The following DCP1A variants were observed in gnomAD, a reference collection of about 807,000 sequenced individuals.
The protein encoded by DCP1A is decapping mRNA 1A.
In DCP1A, 20 loss-of-function variants were observed where a neutral mutation model predicts 58.0. That is an observed-to-expected ratio of 0.34 (90% CI 0.24 to 0.50). The LOEUF is 0.50. DCP1A is among the 20% of genes least tolerant of loss of function. The pLI is 0.98. For synonymous variants in DCP1A, 285 were observed against 275.1 expected, an observed-to-expected ratio of 1.04 and a Z score of -0.36; for missense variants, 613 against 712.2, an observed-to-expected ratio of 0.86 and a Z score of 1.59.
Position 53,307,504 on chromosome 3 carries a change from C to T in DCP1A, c.511-3214G>A, listed in dbSNP as rs180800025. ...ACCATGGCTTCCCTGGCTCTTGGGGCATTTGATTTGCAATTCTTAAGTATA... is the reference window on the plus strand; with the variant it reads ...ACCATGGCTTCCCTGGCTCTTGGGGTATTTGATTTGCAATTCTTAAGTATA... On this transcript the variant is annotated intron_variant, in intron 5 of 9. Coordinates refer to ENST00000610213, the MANE Select transcript of DCP1A (RefSeq NM_018403.7). 3.2e-4 allele frequency among the ~76,000 whole-genome samples: 48 copies of T among 152,274 alleles called. No homozygotes were observed. In the East Asian group the frequency reaches 8.9e-3, roughly 28 times the overall value.
rs1001323887 is a variant in DCP1A at position 53,316,599 on chromosome 3, T to C, written c.371+2808A>G. Among the ~76,000 whole-genome samples, 260 of 68,068 alleles carry C rather than the reference T, an allele frequency of 3.8e-3. 2 individuals carry two copies. Among genetic ancestry groups the C allele is most frequent in the African/African-American group, 9.7e-3 (234 of 24,000 alleles). 44.7% of individuals were successfully genotyped at this position (68,068 alleles called of 152,430 possible). On this transcript the variant is annotated intron_variant, in intron 4 of 9. Transcript: ENST00000610213. ...AATCACTTTCTTTTCTTCTTCCCTT[T>C]TTTTTTTTTTTTTTTTTTTAATTAA...
chr3:53,341,477 A>T (rs2089202034), intron 3 of DCP1A, among the ~76,000 whole-genome samples: 1 of 152,040 alleles, frequency 6.6e-6, no homozygotes, highest in East Asian at 1.9e-4. Context: ...TAATAATAGT[A>T]ATAATAATAC....
At chr3:53,330,347 C>T (rs1302720592) in intron 3 of DCP1A, among the ~76,000 whole-genome samples, 3 of 151,984 alleles carry the variant, frequency 2.0e-5, no homozygotes, top group African/African-American at 7.3e-5. Context: ...GGTTGGTCAA[C>T]ACAGCAAGAC....
intron 3 of DCP1A, among the ~76,000 whole-genome samples, chr3:53,332,721 C>T (rs1021963213): frequency 2.6e-5 from 4 of 151,916 alleles, no homozygotes; most frequent in Admixed American, 6.6e-5. Flanking sequence ...AAAAATTAGC[C>T]GGGTGTGGTG....
At position 53,287,623 on chromosome 3, in the gene DCP1A, T is replaced by G. The variant is rs1553685298; in HGVS notation, c.1706A>C (p.Tyr569Ser). The change falls in exon 10 of 10, where the codon TAC (tyrosine) becomes TCC (serine). Residue 569 changes from tyrosine (Y) to serine (S), a missense_variant. Physicochemically the swap from Tyr to Ser is moderately radical, Grantham distance 144. Coordinates refer to ENST00000610213, the MANE Select transcript of DCP1A (RefSeq NM_018403.7). ...SSFLSTLHEV[Y>S]LQVLTKNKDN... ...TTTGTTCTTGGTCAGAACCTGCAAG[T>G]AGACTTCATGAAGTGTACTGAGGAA... is the stretch of plus-strand genomic sequence containing the variant. The G allele has an allele frequency of 1.2e-6, 2 of 1,612,628 alleles. No individual in the cohort carries two copies. Among genetic ancestry groups the G allele is most frequent in the Non-Finnish European group, 1.7e-6 (2 of 1,178,696 alleles).
chr3:53,295,264 G>A (rs1306732362), intron 6 of DCP1A, among the ~76,000 whole-genome samples: 13 of 152,150 alleles, frequency 8.5e-5, no homozygotes, highest in Non-Finnish European at 1.6e-4. Context: ...TAACTGTTGT[G>A]GAGGAAGAGG....
intron 4 of DCP1A, among the ~76,000 whole-genome samples, chr3:53,316,357 C>T (rs1707812565): frequency 6.6e-6 from 1 of 152,014 alleles, no homozygotes; most frequent in African/African-American, 2.4e-5. Context: ...TGGTAACATA[C>T]AATATTCTCT....
chr3:53,338,103 C>A (rs782257402), intron 3 of DCP1A: 2 of 426,832 alleles, frequency 4.7e-6, no homozygotes, highest in South Asian at 1.6e-5. Flanking sequence ...TTGCGAATCT[C>A]GAGCAGATTC....
chr3:53,333,768 T>C (rs1457420590), intron 3 of DCP1A, among the ~76,000 whole-genome samples: 6 of 152,212 alleles, frequency 3.9e-5, no homozygotes, highest in African/African-American at 1.2e-4. Context: ...TCATTCAAAA[T>C]TATTTTATCT....
chr3:53,284,919 A>G lies in DCP1A; in HGVS notation c.*2661T>C, dbSNP rs1706576085. On this transcript the variant is annotated 3_prime_UTR_variant, in exon 10 of 10. Transcript: ENST00000610213. ...TCAAGCAGGCCAAATCTCACACCTC[A>G]TGAATCCCAGGAGGTACACAATGAA... 1 of 152,190 alleles carries G rather than the reference A, an allele frequency of 6.6e-6. No individual in the cohort carries two copies. Among genetic ancestry groups the G allele is most frequent in the Admixed American group, 6.6e-5 (1 of 15,262 alleles). 9.4% of individuals were successfully genotyped at this position (152,190 alleles called of 1,614,324 possible). A position where few individuals can be genotyped will look rare whatever the true frequency, so the allele number is the denominator to read the frequency against.
chr3:53,337,109 T>C (rs1553692027), intron 3 of DCP1A, among the ~76,000 whole-genome samples: 1 of 152,090 alleles, frequency 6.6e-6, no homozygotes, highest in African/African-American at 2.4e-5. Context: ...TGACCGCAGG[T>C]GATCCACCCG....
intron 6 of DCP1A, 32 bp downstream of exon 6, chr3:53,304,145 T>G: frequency 2.7e-6 from 4 of 1,503,400 alleles, no homozygotes; most frequent in Non-Finnish European, 3.7e-6. Context: ...CTTTGTTACT[T>G]AGGACAAAGC....
chr3:53,334,397 A>C (rs1553691675), intron 3 of DCP1A, among the ~76,000 whole-genome samples: 1 of 152,042 alleles, frequency 6.6e-6, no homozygotes, highest in African/African-American at 2.4e-5. Context: ...AAATTGATTG[A>C]TTTCTGCCAT....
chr3:53,328,433 G>T (rs182200459), intron 3 of DCP1A, among the ~76,000 whole-genome samples: 1 of 152,048 alleles, frequency 6.6e-6, no homozygotes, highest in Non-Finnish European at 1.5e-5. Context: ...AACATTTGAA[G>T]TATTGAATAT....
intron 4 of DCP1A, among the ~76,000 whole-genome samples, chr3:53,315,942 G>A (rs1707798643): frequency 6.6e-6 from 1 of 151,802 alleles, no homozygotes; most frequent in South Asian, 2.1e-4. Flanking sequence ...TTTTACTAGA[G>A]ACGAGGTTTC....
chr3:53,344,810 G>T, intron 2 of DCP1A, 92 bp downstream of exon 2: 2 of 973,104 alleles, frequency 2.1e-6, no homozygotes, highest in Non-Finnish European at 3.2e-6. Flanking sequence ...TAGCAGGACG[G>T]TTCCAAAGAC....
intron 6 of DCP1A, among the ~76,000 whole-genome samples, chr3:53,293,522 C>T (rs1553686445): frequency 1.3e-5 from 2 of 152,204 alleles, no homozygotes; most frequent in South Asian, 2.1e-4. Context: ...CCTGGGCCCA[C>T]GCGATGCAGC....
At chr3:53,300,124 C>T (rs1318748921) in intron 6 of DCP1A, among the ~76,000 whole-genome samples, 1 of 152,052 alleles carries the variant, frequency 6.6e-6, no homozygotes, top group African/African-American at 2.4e-5. Flanking sequence ...TCTCGGCCTC[C>T]CAAAGTGCAA....
intron 3 of DCP1A, among the ~76,000 whole-genome samples, chr3:53,322,027 T>A (rs1222111262): frequency 1.3e-5 from 2 of 152,258 alleles, no homozygotes; most frequent in Admixed American, 1.3e-4. Context: ...TTATTTGAAT[T>A]CTATAATTAT....
Sources: allele counts gnomAD v4.1 joint callset (sites outside exome capture counted in the v4.1 genomes callset), GRCh38; gene constraint gnomAD v4.1.1; transcripts MANE v1.5; gene names NCBI Gene and HGNC (gene_info 2026-07-23, HGNC 2026-07-21).